The following ERBB4 variants were observed in gnomAD, a reference collection of about 807,000 sequenced individuals.
The protein encoded by ERBB4 is receptor tyrosine-protein kinase erbB-4.
In ERBB4, 42 loss-of-function variants were observed where a neutral mutation model predicts 158.0. The observed-to-expected ratio is 0.27, with a 90% CI of 0.21 to 0.34. The LOEUF is 0.34. ERBB4 is among the 10% of genes least tolerant of loss of function. The pLI is 1.00. For synonymous variants in ERBB4, 583 were observed against 558.7 expected, an observed-to-expected ratio of 1.04 and a Z score of -0.61; for missense variants, 1,333 against 1,624.1, an observed-to-expected ratio of 0.82 and a Z score of 3.08.
At chr2:212,393,789 C>A (rs1174897169) in intron 1 of ERBB4, among the ~76,000 whole-genome samples, 5 of 151,952 alleles carry the variant, frequency 3.3e-5, no homozygotes, top group Non-Finnish European at 7.4e-5. Context: ...AAAAATAGTT[C>A]TTTTTGTCTA....
chr2:211,952,692 T>C lies in ERBB4; in HGVS notation c.235-5076A>G, dbSNP rs79702483. ...GCTTTCATCAGGTTGCTTAACCTCATTTAGCCTCAGTTTCTTCATCTTTAA... is the reference window on the plus strand; with the variant it reads ...GCTTTCATCAGGTTGCTTAACCTCACTTAGCCTCAGTTTCTTCATCTTTAA... On this transcript the variant is annotated intron_variant, in intron 2 of 27. Transcript: ENST00000342788. Among the ~76,000 whole-genome samples the C allele has an allele frequency of 9.9e-3, 1,508 of 152,174 alleles. 23 individuals carry two copies. Among genetic ancestry groups the C allele is most frequent in the African/African-American group, 0.034 (1,432 of 41,544 alleles).
At chr2:212,067,863 C>T (rs1450092539) in intron 2 of ERBB4, among the ~76,000 whole-genome samples, 3 of 151,880 alleles carry the variant, frequency 2.0e-5, no homozygotes, top group African/African-American at 7.2e-5. Flanking sequence ...ATGCCCATTC[C>T]TAAAATGCTA....
intron 1 of ERBB4, among the ~76,000 whole-genome samples, chr2:212,320,328 TAC>T (rs1553616983): frequency 2.8e-5 from 4 of 145,200 alleles, no homozygotes; most frequent in Non-Finnish European, 4.6e-5. Flanking sequence ...CTTTTTTTTT[TAC>T]TTCTTCTTCT....
intron 1 of ERBB4, among the ~76,000 whole-genome samples, chr2:212,224,527 G>A (rs747669186): frequency 2.0e-5 from 3 of 151,876 alleles, no homozygotes; most frequent in Non-Finnish European, 4.4e-5. Context: ...AGGGAAAAAC[G>A]TATTGCTCTT....
At position 212,356,626 on chromosome 2, in the gene ERBB4, C is replaced by A. The variant is rs193120774; in HGVS notation, c.82+181823G>T. Among the ~76,000 whole-genome samples the A allele has an allele frequency of 5.1e-3, 779 of 151,966 alleles. 9 individuals are homozygous for A. Among genetic ancestry groups the A allele is most frequent in the African/African-American group, 0.018 (748 of 41,512 alleles). ...CTGCTTATCTAAAAATAAGTCAATA[C>A]ATTTAAGCATCCTCCTTTTGCAACT... On this transcript the variant is annotated intron_variant, in intron 1 of 27. Coordinates refer to ENST00000342788, the MANE Select transcript of ERBB4 (RefSeq NM_005235.3).
At chr2:211,430,761 GTA>G (rs1288528280) in intron 21 of ERBB4, among the ~76,000 whole-genome samples, 182 bp downstream of exon 21, 1 of 140,996 alleles carries the variant, frequency 7.1e-6, no homozygotes, top group Non-Finnish European at 1.6e-5. Context: ...ATATGTGTGT[GTA>G]TATGATATAT....
At chr2:212,357,060 G>C (rs965819348) in intron 1 of ERBB4, among the ~76,000 whole-genome samples, 16 of 151,758 alleles carry the variant, frequency 1.1e-4, no homozygotes, top group Non-Finnish European at 1.2e-4. Context: ...ATACATAATA[G>C]TGTCTTATAC....
chr2:211,944,191 A>ATTG (rs1553517894), intron 3 of ERBB4, among the ~76,000 whole-genome samples: 2 of 86,144 alleles, frequency 2.3e-5, no homozygotes, highest in Non-Finnish European at 4.2e-5. Context: ...ATATATATAT[A>ATTG]TATATATACT....
intron 2 of ERBB4, among the ~76,000 whole-genome samples, chr2:212,013,096 G>A (rs1433970548): frequency 1.0e-4 from 15 of 145,280 alleles, no homozygotes; most frequent in Non-Finnish European, 1.7e-4. Flanking sequence ...TCACTCTGTC[G>A]CCCAGGCTGG....
chr2:211,492,300 A>C (rs2065363548), intron 20 of ERBB4, among the ~76,000 whole-genome samples: 1 of 152,140 alleles, frequency 6.6e-6, no homozygotes, highest in Non-Finnish European at 1.5e-5. Context: ...GTTTTGGAGT[A>C]ATATATAGAT....
At chr2:212,425,408 ATG>A (rs1363406381) in intron 1 of ERBB4, among the ~76,000 whole-genome samples, 3 of 149,148 alleles carry the variant, frequency 2.0e-5, no homozygotes, top group Non-Finnish European at 4.5e-5. Context: ...ATACATATAT[ATG>A]TATATACACA....
intron 1 of ERBB4, among the ~76,000 whole-genome samples, chr2:212,497,075 G>A (rs1351322011): frequency 6.6e-6 from 1 of 151,496 alleles, no homozygotes; most frequent in Non-Finnish European, 1.5e-5. Flanking sequence ...CTACTCGGAA[G>A]GCTGAGGCAA....
chr2:211,968,862 C>T (rs62185768), intron 2 of ERBB4, among the ~76,000 whole-genome samples: 26,249 of 151,968 alleles, frequency 0.17, 3,186 homozygotes, highest in East Asian at 0.59. Context: ...TCTACCCTCT[C>T]TTCTCCTGCC....
At chr2:212,347,735 A>C (rs2089074731) in intron 1 of ERBB4, among the ~76,000 whole-genome samples, 1 of 152,114 alleles carries the variant, frequency 6.6e-6, no homozygotes, top group Non-Finnish European at 1.5e-5. Flanking sequence ...TGGGTTTGGG[A>C]GCATTTTAGA....
intron 18 of ERBB4, among the ~76,000 whole-genome samples, chr2:211,620,469 G>A (rs1241263269): frequency 6.6e-6 from 1 of 152,050 alleles, no homozygotes; most frequent in Non-Finnish European, 1.5e-5. Context: ...GTATCATCAG[G>A]AGACCTGAAC....
intron 1 of ERBB4, among the ~76,000 whole-genome samples, chr2:212,281,420 G>T (rs879609371): frequency 2.6e-5 from 4 of 151,722 alleles, no homozygotes; most frequent in Non-Finnish European, 4.4e-5. Flanking sequence ...GCCATCCCCA[G>T]TCACATATGG....
chr2:211,397,969 G>C (rs945882808), intron 25 of ERBB4, among the ~76,000 whole-genome samples: 2 of 152,114 alleles, frequency 1.3e-5, no homozygotes, highest in African/African-American at 4.8e-5. Context: ...TTACTTCAGG[G>C]AACACTGAAC....
intron 2 of ERBB4, among the ~76,000 whole-genome samples, chr2:212,091,211 A>T (rs2125492996): frequency 6.6e-6 from 1 of 152,270 alleles, no homozygotes; most frequent in African/African-American, 2.4e-5. Context: ...AAAAAAAAAA[A>T]AAAGTACAGA....
intron 1 of ERBB4, among the ~76,000 whole-genome samples, chr2:212,212,251 T>A (rs2082959858): frequency 6.6e-6 from 1 of 151,792 alleles, no homozygotes; most frequent in Non-Finnish European, 1.5e-5. Flanking sequence ...TAATAATCAT[T>A]ATTCTAACTG....
Sources: gnomAD v4.1 joint callset for allele counts (sites outside exome capture counted in the v4.1 genomes callset) on GRCh38, gnomAD v4.1.1 for gene constraint, MANE v1.5 for transcripts, NCBI Gene and HGNC (gene_info 2026-07-23, HGNC 2026-07-21) for gene names.